The following KIF25 variants were observed in gnomAD, a reference collection of about 807,000 sequenced individuals.
The protein encoded by KIF25 is kinesin-like protein KIF25.
A neutral mutation model predicts 32.9 loss-of-function variants in KIF25; 19 were observed. The ratio of observed to expected loss-of-function variants is 0.58; its 90% confidence interval spans 0.40 to 0.85. KIF25 has a LOEUF of 0.85. Ranked by LOEUF, KIF25 falls within the 40% of genes least tolerant of loss-of-function variation. The probability of loss-of-function intolerance (pLI) is 0.00; values close to 1 mark genes in which losing one functional copy is unlikely to be tolerated. For missense variants in KIF25, 485 were observed against 507.0 expected (o/e 0.96, Z 0.42); for synonymous variants, 225 against 213.7 (o/e 1.05, Z -0.46).
intron 12 of KIF25, 110 bp from the exon 13 acceptor site, chr6:168,044,717 C>G: frequency 8.6e-7 from 1 of 1,156,992 alleles, no homozygotes; most frequent in Non-Finnish European, 1.2e-6. Context: ...CGCTGGGGCG[C>G]CGGGCGGCCC....
chr6:168,037,780 G>A (rs1799046015), intron 8 of KIF25, among the ~76,000 whole-genome samples: 1 of 152,040 alleles, frequency 6.6e-6, no homozygotes, highest in Non-Finnish European at 1.5e-5. Context: ...GTCTTGCTCT[G>A]TCTCAGCTCA....
intron 7 of KIF25, among the ~76,000 whole-genome samples, chr6:168,031,714 T>C (rs959540704): frequency 6.6e-6 from 1 of 152,178 alleles, no homozygotes; most frequent in Non-Finnish European, 1.5e-5. Flanking sequence ...AGTAAGCAGA[T>C]TCCAGAAATA....
chr6:168,033,801 C>A, intron 7 of KIF25, 81 bp from the exon 8 acceptor site: 1 of 1,448,610 alleles, frequency 6.9e-7, no homozygotes, highest in Non-Finnish European at 9.5e-7. Context: ...ATTGAAGTTT[C>A]TCATACAAGT....
intron 7 of KIF25, among the ~76,000 whole-genome samples, chr6:168,032,689 T>C (rs1181100520): frequency 6.6e-6 from 1 of 152,246 alleles, no homozygotes; most frequent in African/African-American, 2.4e-5. Context: ...AATCATTTTG[T>C]CAAAACAACA....
chr6:168,008,059 T>C (rs1300538008), intron 4 of KIF25, among the ~76,000 whole-genome samples: 2 of 151,478 alleles, frequency 1.3e-5, no homozygotes, highest in East Asian at 3.9e-4. Flanking sequence ...GTTTACTTTA[T>C]GGATTTGGCC....
At chr6:168,038,802 AG>A (rs1166228552) in intron 9 of KIF25, 73 bp downstream of exon 9, 7 of 1,486,772 alleles carry the variant, frequency 4.7e-6, no homozygotes, top group Non-Finnish European at 6.5e-6. Flanking sequence ...CCTGGTCAGG[AG>A]GCTGCACGTC....
At chr6:168,041,308 T>G (rs1481154186) in intron 10 of KIF25, among the ~76,000 whole-genome samples, 1 of 151,950 alleles carries the variant, frequency 6.6e-6, no homozygotes, top group South Asian at 2.1e-4. Context: ...CAGCCCAGAG[T>G]GGGCCACAGC....
intron 4 of KIF25, among the ~76,000 whole-genome samples, chr6:168,004,324 G>T (rs1014854685): frequency 3.9e-5 from 6 of 152,336 alleles, no homozygotes; most frequent in African/African-American, 1.4e-4. Context: ...CTCCCTCAAC[G>T]CGGGATAGAA....
intron 12 of KIF25, among the ~76,000 whole-genome samples, chr6:168,043,381 C>T (rs540368735): frequency 3.9e-5 from 6 of 152,292 alleles, no homozygotes; most frequent in South Asian, 2.1e-4. Flanking sequence ...CACTGCAGGA[C>T]GGCAGGGGCA....
At chr6:168,000,154 T>A (rs1482549478) in intron 2 of KIF25, among the ~76,000 whole-genome samples, 1 of 52,790 alleles carries the variant, frequency 1.9e-5, no homozygotes, top group Non-Finnish European at 3.5e-5. Context: ...TCCCATCCTG[T>A]CTACACCTGA....
chr6:168,033,447 C>A (rs1798969621), intron 7 of KIF25, among the ~76,000 whole-genome samples: 1 of 150,676 alleles, frequency 6.6e-6, no homozygotes, highest in Non-Finnish European at 1.5e-5. Context: ...TTGCAATGAG[C>A]CAAAATTGTG....
rs1366588436 is a variant in KIF25 at position 168,040,208 on chromosome 6, A to C, written c.638A>C (p.Asp213Ala). ...TVTLTTASCS[D>A]STADQACSAT... ...ACTCTAACCACAGCCTCCTGCTCTG[A>C]CAGCACTGGTAAGTCACCATTTGTG... The change falls in exon 10 of 13, where the codon GAC (aspartate) becomes GCC (alanine). Residue 213 changes from aspartate (D) to alanine (A), a missense_variant. By Grantham distance (126) the Asp-to-Ala change is moderately radical (BLOSUM62 -2). Coordinates refer to ENST00000643607, the MANE Select transcript of KIF25 (RefSeq NM_030615.4). 1.2e-6 allele frequency: 2 copies of C among 1,612,006 alleles called. No homozygotes were observed. Among genetic ancestry groups the C allele is most frequent in the Non-Finnish European group, 1.7e-6 (2 of 1,179,180 alleles).
chr6:168,007,726 G>A (rs1583126136), intron 4 of KIF25, among the ~76,000 whole-genome samples: 2 of 152,262 alleles, frequency 1.3e-5, no homozygotes, highest in East Asian at 3.9e-4. Context: ...ATCAGAGTTA[G>A]GGATTTTCCT....
intron 6 of KIF25, among the ~76,000 whole-genome samples, chr6:168,029,922 A>T (rs9455936): frequency 6.6e-6 from 1 of 151,980 alleles, no homozygotes; most frequent in South Asian, 2.1e-4. Flanking sequence ...CTGGAGGCGA[A>T]GTGGATCAAC....
Position 168,016,679 on chromosome 6 carries a change from T to C in KIF25, c.-162-1294T>C, listed in dbSNP as rs574478313. Among the ~76,000 whole-genome samples, 3 of 152,390 alleles carry C rather than the reference T, an allele frequency of 2.0e-5. No homozygotes were observed. In the South Asian group the frequency reaches 6.2e-4, roughly 32 times the overall value. ...ACTTTCTTTCTTTGGCTTCGGTGAC[T>C]TCATCTGCTTTCTTCTTTTCTAATT... On this transcript the variant is annotated intron_variant, in intron 4 of 12. Transcript: ENST00000643607.
At chr6:168,017,147 C>T (rs779037056) in intron 4 of KIF25, among the ~76,000 whole-genome samples, 29 of 152,344 alleles carry the variant, frequency 1.9e-4, no homozygotes, top group Middle Eastern at 6.8e-3. Flanking sequence ...AATCTCACAG[C>T]TTTTGTCTTT....
In KIF25 at chr6:168,003,704, G is replaced by C. The variant is rs1798536330; in HGVS notation, c.-163+1G>C. On this transcript the variant is annotated splice_donor_variant, in intron 4 of 12. Coordinates refer to ENST00000643607, the MANE Select transcript of KIF25 (RefSeq NM_030615.4). LOFTEE classifies it low-confidence loss of function (5UTR_SPLICE). The stretch of plus-strand genomic sequence containing the variant: ...TATTCAGAGAGCAGCTTCCTGCTTG[G>C]TGGGTGTCCGTAGTCCCCACAGATC... 1 of 152,200 alleles carries C rather than the reference G, an allele frequency of 6.6e-6. No homozygotes were observed. The highest frequency in any genetic ancestry group is 1.5e-5 in the Non-Finnish European group (1 of 68,042). 9.4% of individuals were successfully genotyped at this position (152,200 alleles called of 1,614,324 possible).
intron 4 of KIF25, among the ~76,000 whole-genome samples, chr6:168,015,257 G>A (rs532468837): frequency 2.0e-5 from 3 of 152,286 alleles, no homozygotes; most frequent in South Asian, 4.2e-4. Flanking sequence ...GACTCTGTCT[G>A]CATGTTGCTC....
chr6:168,014,271 C>T (rs944176735), intron 4 of KIF25, among the ~76,000 whole-genome samples: 13 of 152,090 alleles, frequency 8.5e-5, no homozygotes, highest in Non-Finnish European at 1.0e-4. Flanking sequence ...GGCCCCAGCC[C>T]CTGGGGAAAG....
Sources: allele counts gnomAD v4.1 joint callset (sites outside exome capture counted in the v4.1 genomes callset), GRCh38; gene constraint gnomAD v4.1.1; transcripts MANE v1.5; gene names NCBI Gene and HGNC (gene_info 2026-07-23, HGNC 2026-07-21).